PLCZ1: variants seen among roughly 807,000 people sequenced by gnomAD.
PLCZ1 encodes phospholipase C zeta 1.
PLCZ1 carries 64 observed loss-of-function variants against 76.8 expected under a neutral mutation model. That is an observed-to-expected ratio of 0.83 (90% CI 0.68 to 1.03). The LOEUF (loss-of-function observed/expected upper bound fraction) is 1.03. Among genes scored for constraint, PLCZ1 ranks in the 50% least tolerant of loss-of-function variants. The pLI is 0.00. For missense variants in PLCZ1, 751 were observed against 713.7 expected (o/e 1.05, Z -0.60); for synonymous variants, 248 against 230.8 (o/e 1.07, Z -0.68).
At chr12:18,712,668 T>G (rs1447986136) in intron 6 of PLCZ1, among the ~76,000 whole-genome samples, 174 bp downstream of exon 6, 1 of 152,176 alleles carries the variant, frequency 6.6e-6, no homozygotes, top group East Asian at 1.9e-4. Flanking sequence ...AAACTAACTT[T>G]GATAAATCTA....
At chr12:18,690,375 C>T (rs1013408913) in intron 12 of PLCZ1, among the ~76,000 whole-genome samples, 2 of 152,066 alleles carry the variant, frequency 1.3e-5, no homozygotes, top group African/African-American at 4.8e-5. Flanking sequence ...AGTTGGATGC[C>T]ACCATGCCCA....
At chr12:18,719,667 C>G in intron 4 of PLCZ1, 35 bp from the exon 5 acceptor site, 1 of 1,429,600 alleles carries the variant, frequency 7.0e-7, no homozygotes, top group Non-Finnish European at 9.6e-7. Flanking sequence ...TAAAAGGATG[C>G]AAAAATACCA....
intron 7 of PLCZ1, among the ~76,000 whole-genome samples, chr12:18,702,498 C>T (rs774091991): frequency 6.6e-6 from 1 of 152,194 alleles, no homozygotes; most frequent in South Asian, 2.1e-4. Flanking sequence ...AAGTAAAGTT[C>T]TTTTCTCCAG....
At chr12:18,665,391 T>A in the PLCZ1 span, among the ~76,000 whole-genome samples, 1 of 152,150 alleles carries the variant, frequency 6.6e-6, no homozygotes, top group Non-Finnish European at 1.5e-5. Context: ...TTTTATATTA[T>A]TTGTATTTCA....
the PLCZ1 span, among the ~76,000 whole-genome samples, chr12:18,677,187 C>T: frequency 6.6e-6 from 1 of 152,068 alleles, no homozygotes; most frequent in African/African-American, 2.4e-5. Flanking sequence ...AGATCCTGGT[C>T]AGGCTGCTTG....
chr12:18,697,501 TCATAA>T (rs1955241649), intron 10 of PLCZ1, among the ~76,000 whole-genome samples: 1 of 152,166 alleles, frequency 6.6e-6, no homozygotes, highest in Non-Finnish European at 1.5e-5. Context: ...GACTAAGGTC[TCATAA>T]CATAATATGA....
chr12:18,653,643 A>C, the PLCZ1 span, among the ~76,000 whole-genome samples: 1 of 152,148 alleles, frequency 6.6e-6, no homozygotes, highest in African/African-American at 2.4e-5. Context: ...AGACAAAACC[A>C]AACGAATTCA....
intron 12 of PLCZ1, chr12:18,693,271 A>G: frequency 6.6e-7 from 1 of 1,520,204 alleles, no homozygotes; most frequent in Non-Finnish European, 9.1e-7. Context: ...GTGCTGATGG[A>G]TGACATGGAT....
intron 8 of PLCZ1, 38 bp from the exon 9 acceptor site, chr12:18,701,606 A>ATCCTCCTCCTCCTCCTCCTCC: frequency 1.3e-6 from 2 of 1,523,292 alleles, no homozygotes; most frequent in East Asian, 2.4e-5. Flanking sequence ...CTTTGAATTT[A>ATCCTCCTCCTCCTCCTCCTCC]TCCTCCTCCT....
the PLCZ1 span, among the ~76,000 whole-genome samples, chr12:18,677,283 G>A: frequency 8.8e-3 from 1,338 of 152,226 alleles, 13 homozygotes; most frequent in African/African-American, 0.031. Flanking sequence ...AAGATGGCGA[G>A]CAAGACAGTT....
rs1955915821 is a variant in PLCZ1 at position 18,701,508 on chromosome 12, T to C, written c.1010A>G (p.Lys337Arg). 1.2e-6 allele frequency: 2 copies of C among 1,613,986 alleles called. No individual in the cohort carries two copies. The highest frequency in any genetic ancestry group is 1.7e-5 in the Admixed American group (1 of 59,988). The change falls in exon 9 of 15, where the codon AAA (lysine) becomes AGA (arginine). Residue 337 changes from lysine to arginine, a missense_variant. Physicochemically the swap from Lys to Arg is conservative, Grantham distance 26. Coordinates refer to ENST00000266505, the MANE Select transcript of PLCZ1 (RefSeq NM_033123.4). The part of the protein sequence containing the change: ...KKLPGVMLFK[K>R]KKTRKLKIAL... ...CACAAAACACCACCTCACCTTCTTT[T>C]TCTTGAAAAGCATTACTCCAGGTAA...
chr12:18,694,492 A>G (rs1954648373), intron 12 of PLCZ1, among the ~76,000 whole-genome samples: 1 of 152,172 alleles, frequency 6.6e-6, no homozygotes, highest in African/African-American at 2.4e-5. Flanking sequence ...CTGACCTACA[A>G]AAGCCTAATT....
chr12:18,693,658 A>C, intron 12 of PLCZ1: 1 of 1,564,804 alleles, frequency 6.4e-7, no homozygotes, highest in Non-Finnish European at 8.8e-7. Flanking sequence ...GGACAAAAAG[A>C]TATGACTCCA....
intron 13 of PLCZ1, among the ~76,000 whole-genome samples, chr12:18,684,622 G>C (rs1170753647): frequency 6.6e-6 from 1 of 152,026 alleles, no homozygotes; most frequent in East Asian, 1.9e-4. Flanking sequence ...TTCAAAAACG[G>C]GGAGTCTGAC....
At chr12:18,668,268 A>C in the PLCZ1 span, among the ~76,000 whole-genome samples, 1 of 152,230 alleles carries the variant, frequency 6.6e-6, no homozygotes. Flanking sequence ...TCACATTTTC[A>C]TTAAGTATTT....
In PLCZ1 at chr12:18,712,845, G is replaced by A; in HGVS notation, c.711C>T (p.Phe237=). 1.2e-6 allele frequency: 2 copies of A among 1,613,614 alleles called. No homozygotes were observed. The highest frequency in any genetic ancestry group is 1.7e-6 in the Non-Finnish European group (2 of 1,179,610). The change falls in exon 6 of 15, where the codon TTC becomes TTT. Residue 237 remains phenylalanine (F), a synonymous_variant. Coordinates refer to ENST00000266505, the MANE Select transcript of PLCZ1 (RefSeq NM_033123.4). ...TTGAACAAAGATATGTACATACCAT[G>A]AATGCATACTTGTGTATAGCTTGGA... ...TVIQAIHKYA[F]MTSDYPVVLS...
intron 6 of PLCZ1, among the ~76,000 whole-genome samples, chr12:18,706,185 T>C (rs1956590928): frequency 6.6e-6 from 1 of 151,412 alleles, no homozygotes; most frequent in East Asian, 1.9e-4. Context: ...TGAGCCGAGA[T>C]TGCACCATTG....
Position 18,701,498 on chromosome 12 carries a change from C to T in PLCZ1, c.1017+3G>A, listed in dbSNP as rs766031798. 3 of 1,614,044 alleles carry T rather than the reference C, an allele frequency of 1.9e-6. No individual in the cohort carries two copies. In the South Asian group the frequency reaches 3.3e-5, roughly 18 times the overall value. ...GTAAGATTTTCACAAAACACCACCT[C>T]ACCTTCTTTTTCTTGAAAAGCATTA... On this transcript the variant is annotated splice_donor_region_variant and intron_variant, in intron 9 of 14. Transcript: ENST00000266505.
intron 3 of PLCZ1, among the ~76,000 whole-genome samples, chr12:18,729,464 A>T (rs1958928286): frequency 6.6e-6 from 1 of 152,008 alleles, no homozygotes; most frequent in Non-Finnish European, 1.5e-5. Context: ...ATAACACTTT[A>T]TTCATTTTTT....
Sources: allele counts gnomAD v4.1 joint callset (sites outside exome capture counted in the v4.1 genomes callset), GRCh38; gene constraint gnomAD v4.1.1; transcripts MANE v1.5; gene names NCBI Gene and HGNC (gene_info 2026-07-23, HGNC 2026-07-21).